Variants in ANO6 observed in about 807,000 individuals in gnomAD.
ANO6 encodes the protein anoctamin 6.
ANO6 carries 106 observed loss-of-function variants against 117.5 expected under a neutral mutation model. The observed-to-expected ratio is 0.90, with a 90% CI of 0.77 to 1.06. The LOEUF is 1.06. Among genes scored for constraint, ANO6 ranks in the 50% least tolerant of loss-of-function variants. The pLI is 0.00. For synonymous variants in ANO6, 367 were observed against 385.1 expected (o/e 0.95, Z 0.55); for missense variants, 955 against 1,121.1 (o/e 0.85, Z 2.12).
chr12:45,281,594 A>G (rs528599515), intron 1 of ANO6, among the ~76,000 whole-genome samples: 1 of 152,336 alleles, frequency 6.6e-6, no homozygotes, highest in East Asian at 1.9e-4. Flanking sequence ...GAACTGAGCA[A>G]GAACTCATAA....
At chr12:45,343,156 C>G (rs986996080) in intron 3 of ANO6, among the ~76,000 whole-genome samples, 1 of 152,084 alleles carries the variant, frequency 6.6e-6, no homozygotes, top group African/African-American at 2.4e-5. Flanking sequence ...AGGAAGGAGA[C>G]AGCCCAACTG....
At chr12:45,275,532 C>T (rs1315171497) in intron 1 of ANO6, among the ~76,000 whole-genome samples, 1 of 152,188 alleles carries the variant, frequency 6.6e-6, no homozygotes, top group East Asian at 1.9e-4. Flanking sequence ...TAAAGCAAAA[C>T]TTCTAAAATG....
chr12:45,372,087 G>A (rs368057268), intron 9 of ANO6, among the ~76,000 whole-genome samples: 8 of 152,028 alleles, frequency 5.3e-5, no homozygotes, highest in Non-Finnish European at 1.0e-4. Context: ...GAGCTGATGC[G>A]ATCAACTGGA....
chr12:45,413,585 G>GC (rs1159640596), intron 16 of ANO6, among the ~76,000 whole-genome samples: 1 of 152,206 alleles, frequency 6.6e-6, no homozygotes, highest in African/African-American at 2.4e-5. Context: ...TGATGATGAG[G>GC]CCCGGGGGTA....
At chr12:45,309,939 A>G (rs904483511) in intron 2 of ANO6, among the ~76,000 whole-genome samples, 1 of 152,142 alleles carries the variant, frequency 6.6e-6, no homozygotes, top group Admixed American at 6.6e-5. Flanking sequence ...AAAAGGGGGA[A>G]ATGAGATCAG....
intron 1 of ANO6, among the ~76,000 whole-genome samples, chr12:45,226,836 T>A (rs946310510): frequency 5.3e-5 from 8 of 151,704 alleles, no homozygotes; most frequent in African/African-American, 1.9e-4. Flanking sequence ...ATAAGATCCT[T>A]AACATTATTT....
chr12:45,249,001 G>A, intron 1 of ANO6, among the ~76,000 whole-genome samples: 1 of 151,960 alleles, frequency 6.6e-6, no homozygotes, highest in South Asian at 2.1e-4. Context: ...GTAGTCTGGT[G>A]GTGTAGCATG....
At chr12:45,382,270 C>A (rs1248535388) in intron 10 of ANO6, among the ~76,000 whole-genome samples, 1 of 152,182 alleles carries the variant, frequency 6.6e-6, no homozygotes, top group Non-Finnish European at 1.5e-5. Flanking sequence ...GACACAGGTG[C>A]AGACCCTTCT....
chr12:45,231,288 T>TA (rs557418118), intron 1 of ANO6, among the ~76,000 whole-genome samples: 71 of 152,326 alleles, frequency 4.7e-4, no homozygotes, highest in African/African-American at 1.7e-3. Flanking sequence ...TTTACTGATA[T>TA]AAAAAATGAA....
intron 16 of ANO6, among the ~76,000 whole-genome samples, chr12:45,410,235 T>G (rs1167934868): frequency 6.6e-6 from 1 of 152,206 alleles, no homozygotes; most frequent in Non-Finnish European, 1.5e-5. Flanking sequence ...GTGGCAGGAA[T>G]GGTCCCGGGA....
chr12:45,427,536 A>C (rs1184468767), intron 19 of ANO6, among the ~76,000 whole-genome samples: 4 of 152,132 alleles, frequency 2.6e-5, no homozygotes, highest in African/African-American at 9.7e-5. Flanking sequence ...CTACAGAAGA[A>C]TCTCTTCAAA....
At chr12:45,267,255 C>T (rs1258636402) in intron 1 of ANO6, among the ~76,000 whole-genome samples, 1 of 152,138 alleles carries the variant, frequency 6.6e-6, no homozygotes, top group Admixed American at 6.5e-5. Context: ...CTTTTCTGTG[C>T]CCTCACATGG....
At chr12:45,258,539 C>T (rs1331431533) in intron 1 of ANO6, among the ~76,000 whole-genome samples, 1 of 152,064 alleles carries the variant, frequency 6.6e-6, no homozygotes, top group African/African-American at 2.4e-5. Flanking sequence ...CTCTTTACTT[C>T]TCTCTCCTCA....
intron 2 of ANO6, among the ~76,000 whole-genome samples, chr12:45,330,375 T>G (rs914433078): frequency 1.3e-5 from 2 of 152,144 alleles, no homozygotes; most frequent in African/African-American, 4.8e-5. Flanking sequence ...AATGTACAAG[T>G]TATACAAATG....
At chr12:45,318,954 T>C (rs1444386819) in intron 2 of ANO6, among the ~76,000 whole-genome samples, 7 of 152,162 alleles carry the variant, frequency 4.6e-5, no homozygotes, top group Non-Finnish European at 8.8e-5. Context: ...GTGATTTTTG[T>C]ACATTGATTT....
At position 45,429,662 on chromosome 12, in the gene ANO6, A is replaced by T; in HGVS notation, c.*351A>T. ...ATTATTTTCATTTCTGTCTATTCTCAGGCGCATGATCTCCTTTATTTTTAA... is the reference window on the plus strand; with the variant it reads ...ATTATTTTCATTTCTGTCTATTCTCTGGCGCATGATCTCCTTTATTTTTAA... On this transcript the variant is annotated 3_prime_UTR_variant, in exon 20 of 20. Coordinates refer to ENST00000320560, the MANE Select transcript of ANO6 (RefSeq NM_001025356.3). The T allele has an allele frequency of 8.8e-7, 1 of 1,141,198 alleles. No individual in the cohort carries two copies. The highest frequency in any genetic ancestry group is 1.1e-6 in the Non-Finnish European group (1 of 923,716). The allele number at this position is 1,141,198 out of a possible 1,614,324, so 70.7% of individuals were successfully genotyped here. A position where few individuals can be genotyped will look rare whatever the true frequency, so the allele number is the denominator to read the frequency against.
At position 45,301,533 on chromosome 12, in the gene ANO6, C is replaced by T. The variant is rs796191954; in HGVS notation, c.71-481C>T. 2.6e-5 allele frequency among the ~76,000 whole-genome samples: 4 copies of T among 151,654 alleles called. No individual in the cohort carries two copies. The South Asian group carries it at 8.3e-4, about 32-fold the overall frequency. ...TTGGGAGACTGAGGTGGGAGGATCACTTGAGCCCAGGAGGTCGAGGCTGCA... is the reference window on the plus strand; with the variant it reads ...TTGGGAGACTGAGGTGGGAGGATCATTTGAGCCCAGGAGGTCGAGGCTGCA... On this transcript the variant is annotated intron_variant, in intron 1 of 19. Coordinates refer to ENST00000320560, the MANE Select transcript of ANO6 (RefSeq NM_001025356.3).
At chr12:45,261,879 T>A (rs1385104321) in intron 1 of ANO6, among the ~76,000 whole-genome samples, 1 of 152,172 alleles carries the variant, frequency 6.6e-6, no homozygotes, top group Non-Finnish European at 1.5e-5. Context: ...AATAATACAT[T>A]TCAATTTTAA....
chr12:45,422,614 G>A (rs893427489), intron 18 of ANO6, among the ~76,000 whole-genome samples: 1 of 146,964 alleles, frequency 6.8e-6, no homozygotes, highest in Non-Finnish European at 1.5e-5. Context: ...CTGCTCTGTT[G>A]CCCAGACAGG....
Sources: gnomAD v4.1 joint callset for allele counts (sites outside exome capture counted in the v4.1 genomes callset) on GRCh38, gnomAD v4.1.1 for gene constraint, MANE v1.5 for transcripts, NCBI Gene and HGNC (gene_info 2026-07-23, HGNC 2026-07-21) for gene names.